Variants in STK32A observed in about 807,000 individuals in gnomAD.
The protein encoded by STK32A is serine/threonine kinase 32A, also known as serine/threonine-protein kinase 32A.
Under a neutral mutation model 53.2 loss-of-function variants are expected in STK32A, and 41 were observed. That is an observed-to-expected ratio of 0.77 (90% CI 0.60 to 1.00). The LOEUF is 1.00. Among genes scored for constraint, STK32A ranks in the 50% least tolerant of loss-of-function variants. The probability of loss-of-function intolerance (pLI) is 0.00; values close to 1 mark genes in which losing one functional copy is unlikely to be tolerated. For missense variants in STK32A, 458 were observed against 485.8 expected, an observed-to-expected ratio of 0.94 and a Z score of 0.54; for synonymous variants, 166 against 162.8, an observed-to-expected ratio of 1.02 and a Z score of -0.15.
intron 6 of STK32A, chr5:147,343,319 C>G: frequency 3.2e-6 from 2 of 620,752 alleles, no homozygotes; most frequent in South Asian, 3.1e-5. Flanking sequence ...AAAACCATCA[C>G]AACTTTTCAG....
intron 2 of STK32A, among the ~76,000 whole-genome samples, chr5:147,242,975 G>T (rs1753640523): frequency 6.6e-6 from 1 of 152,058 alleles, no homozygotes. Context: ...TGTCATTTTT[G>T]ATATCCATAT....
intron 2 of STK32A, among the ~76,000 whole-genome samples, chr5:147,266,814 C>A (rs10059845): frequency 0.28 from 42,515 of 151,712 alleles, 6,154 homozygotes; most frequent in Admixed American, 0.35. Context: ...CACCTGAGGT[C>A]GGGAGTTCAA....
chr5:147,278,438 G>T (rs1375247090), intron 3 of STK32A, among the ~76,000 whole-genome samples: 7 of 152,096 alleles, frequency 4.6e-5, no homozygotes, highest in Non-Finnish European at 8.8e-5. Context: ...AAACTTTAAG[G>T]CTTTTCTCTC....
At chr5:147,399,409 G>A in the STK32A span, among the ~76,000 whole-genome samples, 1 of 152,200 alleles carries the variant, frequency 6.6e-6, no homozygotes, top group African/African-American at 2.4e-5. Flanking sequence ...CAGCAAGCTC[G>A]AATTAGCTGG....
At chr5:147,256,791 C>T (rs759638343) in intron 2 of STK32A, among the ~76,000 whole-genome samples, 2 of 152,108 alleles carry the variant, frequency 1.3e-5, no homozygotes, top group Admixed American at 6.5e-5. Context: ...GGATTACAGG[C>T]GTGAGCCACC....
intron 2 of STK32A, among the ~76,000 whole-genome samples, chr5:147,251,432 A>G (rs1019445125): frequency 1.3e-5 from 2 of 152,214 alleles, no homozygotes; most frequent in African/African-American, 4.8e-5. Context: ...CTACAATTTA[A>G]ACATAGCAGG....
At chr5:147,318,373 C>T (rs1377314243) in intron 4 of STK32A, among the ~76,000 whole-genome samples, 5 of 152,044 alleles carry the variant, frequency 3.3e-5, no homozygotes, top group Non-Finnish European at 7.4e-5. Context: ...TATCGATGGG[C>T]ATGTAAATTG....
chr5:147,295,852 T>A (rs1210251919), intron 4 of STK32A, among the ~76,000 whole-genome samples: 1 of 149,810 alleles, frequency 6.7e-6, no homozygotes, highest in Non-Finnish European at 1.5e-5. Context: ...TAAAAAAAAA[T>A]AAAAATTACA....
intron 4 of STK32A, among the ~76,000 whole-genome samples, chr5:147,300,725 T>A (rs1013611318): frequency 5.3e-5 from 8 of 152,330 alleles, no homozygotes; most frequent in African/African-American, 1.9e-4. Flanking sequence ...AAATCTGAGT[T>A]TGAATTTCTG....
intron 9 of STK32A, 143 bp from the exon 10 acceptor site, chr5:147,373,026 A>T: frequency 9.9e-7 from 1 of 1,007,794 alleles, no homozygotes; most frequent in Non-Finnish European, 1.5e-6. Context: ...TGTATGATCT[A>T]CATTGTTTAT....
rs1392924601 is a variant in STK32A at position 147,345,472 on chromosome 5, A to G, written c.472+2429A>G. 7.2e-5 allele frequency among the ~76,000 whole-genome samples: 11 copies of G among 152,306 alleles called. No homozygotes were observed. The East Asian group carries it at 2.1e-3, about 29-fold the overall frequency. Reference sequence around the variant, plus strand: ...TGTTTCTTTGTCTATGCTAACACATACCTAATACGTACCAAATCTCTACCA... The same window carrying G: ...TGTTTCTTTGTCTATGCTAACACATGCCTAATACGTACCAAATCTCTACCA... On this transcript the variant is annotated intron_variant, in intron 6 of 12. Transcript: ENST00000397936.
intron 2 of STK32A, among the ~76,000 whole-genome samples, chr5:147,244,747 C>G (rs1753713313): frequency 6.6e-6 from 1 of 152,128 alleles, no homozygotes; most frequent in Non-Finnish European, 1.5e-5. Flanking sequence ...CTTATTTAAC[C>G]TTTGTAAGCC....
intron 5 of STK32A, among the ~76,000 whole-genome samples, chr5:147,326,128 A>C (rs992133624): frequency 2.6e-5 from 4 of 151,862 alleles, no homozygotes; most frequent in African/African-American, 9.7e-5. Context: ...TATTGATACA[A>C]TTTTTCCCCA....
Position 147,279,458 on chromosome 5 carries a change from G to A in STK32A, c.260+60G>A, listed in dbSNP as rs138232373. 7.3e-5 allele frequency: 109 copies of A among 1,483,786 alleles called. No homozygotes were observed. The African/African-American group carries it at 1.2e-3, about 16-fold the overall frequency. The allele number at this position is 1,483,786 out of a possible 1,614,324, so 91.9% of individuals were successfully genotyped here. Reference sequence around the variant, plus strand: ...CTCCTGTTATCGGTGGGCTAGGGGAGGTCCCCAAATGCCTCTGGGACCTCA... The same window carrying A: ...CTCCTGTTATCGGTGGGCTAGGGGAAGTCCCCAAATGCCTCTGGGACCTCA... On this transcript the variant is annotated intron_variant, in intron 4 of 12. Transcript: ENST00000397936.
At chr5:147,388,188 C>T (rs1044481376), downstream of STK32A, among the ~76,000 whole-genome samples, 1 of 152,172 alleles carries the variant, frequency 6.6e-6, no homozygotes, top group Non-Finnish European at 1.5e-5. Flanking sequence ...TTCTTTAGCA[C>T]TCTGCCTTCC....
chr5:147,388,921 G>A (rs1021158101), downstream of STK32A, among the ~76,000 whole-genome samples: 2 of 152,310 alleles, frequency 1.3e-5, no homozygotes, highest in East Asian at 3.9e-4. Context: ...CTCAGCTGCT[G>A]CCTCGGTCAT....
chr5:147,267,736 T>C (rs566114914), intron 2 of STK32A, among the ~76,000 whole-genome samples: 2 of 152,130 alleles, frequency 1.3e-5, no homozygotes, highest in Admixed American at 1.3e-4. Flanking sequence ...AGAAATTGAT[T>C]GAGTCAACAT....
chr5:147,251,184 A>G (rs1760517342), intron 2 of STK32A, among the ~76,000 whole-genome samples: 1 of 152,206 alleles, frequency 6.6e-6, no homozygotes, highest in South Asian at 2.1e-4. Flanking sequence ...ACAGGGCCTT[A>G]TATCCAGAAG....
chr5:147,343,539 A>C (rs1755542864), intron 6 of STK32A, among the ~76,000 whole-genome samples: 1 of 152,220 alleles, frequency 6.6e-6, no homozygotes, highest in Non-Finnish European at 1.5e-5. Context: ...ACTTAATATC[A>C]CAGAAGAATT....
Sources: allele counts gnomAD v4.1 joint callset (sites outside exome capture counted in the v4.1 genomes callset), GRCh38; gene constraint gnomAD v4.1.1; transcripts MANE v1.5; gene names NCBI Gene and HGNC (gene_info 2026-07-23, HGNC 2026-07-21).